Variants in GRM7 observed in about 807,000 individuals in gnomAD.
GRM7 encodes the protein metabotropic glutamate receptor 7.
A neutral mutation model predicts 84.5 loss-of-function variants in GRM7; 35 were observed. That is an observed-to-expected ratio of 0.41 (90% CI 0.32 to 0.55). The LOEUF is 0.55. Among genes scored for constraint, GRM7 ranks in the 20% least tolerant of loss-of-function variants. The probability of loss-of-function intolerance (pLI) is 0.19; values close to 1 mark genes in which losing one functional copy is unlikely to be tolerated. For synonymous variants in GRM7, 487 were observed against 455.1 expected, an observed-to-expected ratio of 1.07 and a Z score of -0.89; for missense variants, 1,003 against 1,194.6, an observed-to-expected ratio of 0.84 and a Z score of 2.36.
chr3:7,261,902 C>CTTCCT lies in GRM7; in HGVS notation c.737-36781_737-36780insTCCTT, dbSNP rs139471610. Among the ~76,000 whole-genome samples, 298 of 82,890 alleles carry CTTCCT rather than the reference C, an allele frequency of 3.6e-3. 7 individuals are homozygous for CTTCCT. The highest frequency in any genetic ancestry group is 0.029 in the Admixed American group (201 of 6,970). 54.4% of individuals were successfully genotyped at this position (82,890 alleles called of 152,430 possible). The stretch of plus-strand genomic sequence containing the variant: ...CTGTCAGAATTCCCTCCCTCCCTCC[C>CTTCCT]TCCCTCCCTCCCTTCCTCCCTTCCT... On this transcript the variant is annotated intron_variant, in intron 2 of 9. Transcript: ENST00000357716.
At chr3:6,875,572 A>C (rs1243703467) in intron 1 of GRM7, among the ~76,000 whole-genome samples, 1 of 152,178 alleles carries the variant, frequency 6.6e-6, no homozygotes, top group Non-Finnish European at 1.5e-5. Flanking sequence ...GAGTCAATTA[A>C]ACCTCTTTTC....
chr3:7,395,866 A>G (rs1476235939), intron 4 of GRM7, among the ~76,000 whole-genome samples: 4 of 152,124 alleles, frequency 2.6e-5, no homozygotes, highest in Admixed American at 6.5e-5. Context: ...ACTGTAGTTA[A>G]TGATAATATA....
At chr3:6,973,316 T>G (rs777600746) in intron 1 of GRM7, among the ~76,000 whole-genome samples, 1 of 152,126 alleles carries the variant, frequency 6.6e-6, no homozygotes, top group Non-Finnish European at 1.5e-5. Flanking sequence ...ACATCTACTA[T>G]GTACCATGTT....
At chr3:7,129,726 C>T (rs557555454) in intron 1 of GRM7, among the ~76,000 whole-genome samples, 9 of 152,166 alleles carry the variant, frequency 5.9e-5, no homozygotes, top group Non-Finnish European at 7.4e-5. Context: ...TCTAGGACAG[C>T]GCTGCAGAAG....
chr3:7,120,727 T>C (rs1011637643), intron 1 of GRM7, among the ~76,000 whole-genome samples: 1 of 152,214 alleles, frequency 6.6e-6, no homozygotes, highest in African/African-American at 2.4e-5. Flanking sequence ...ATTACTTGGA[T>C]AGAAAATGTT....
Position 6,876,267 on chromosome 3 carries a change from C to CA in GRM7, c.519+14374dup, listed in dbSNP as rs1038749876. ...TGGGTGACAGAGCGAGGCTCCATCT[C>CA]AAAAAAAAAAAAAATTATTATGGCA... On this transcript the variant is annotated intron_variant, in intron 1 of 9. Transcript: ENST00000357716. Among the ~76,000 whole-genome samples the CA allele has an allele frequency of 4.5e-3, 620 of 139,178 alleles. 2 individuals are homozygous for CA. The highest frequency in any genetic ancestry group is 6.3e-3 in the African/African-American group (238 of 37,822). 91.3% of individuals were successfully genotyped at this position (139,178 alleles called of 152,430 possible).
intron 8 of GRM7, among the ~76,000 whole-genome samples, chr3:7,603,203 C>A (rs1290956604): frequency 1.3e-5 from 2 of 151,970 alleles, no homozygotes; most frequent in Non-Finnish European, 2.9e-5. Flanking sequence ...ATTTCTTTCC[C>A]AAAGAGCTAG....
At chr3:7,433,319 T>G (rs902581305) in intron 5 of GRM7, among the ~76,000 whole-genome samples, 9 of 152,228 alleles carry the variant, frequency 5.9e-5, no homozygotes, top group African/African-American at 2.2e-4. Context: ...GTGTTTACAC[T>G]TCCATTCCTT....
intron 1 of GRM7, among the ~76,000 whole-genome samples, chr3:6,956,163 G>T (rs767654817): frequency 2.0e-5 from 3 of 152,160 alleles, no homozygotes; most frequent in Non-Finnish European, 4.4e-5. Context: ...ATTCAGGCGG[G>T]AAAATAACTC....
At chr3:7,529,574 G>C (rs1184961337) in intron 7 of GRM7, among the ~76,000 whole-genome samples, 2 of 152,034 alleles carry the variant, frequency 1.3e-5, no homozygotes, top group Admixed American at 6.6e-5. Flanking sequence ...AAATGTTCTT[G>C]CTCCATGGCT....
At chr3:7,279,876 T>C (rs1699197283) in intron 2 of GRM7, among the ~76,000 whole-genome samples, 1 of 152,182 alleles carries the variant, frequency 6.6e-6, no homozygotes, top group Non-Finnish European at 1.5e-5. Context: ...CGGCCAGTTA[T>C]GGTTAAGATT....
At chr3:7,300,953 C>T (rs145092271) in intron 3 of GRM7, among the ~76,000 whole-genome samples, 44 of 152,244 alleles carry the variant, frequency 2.9e-4, no homozygotes, top group Non-Finnish European at 5.1e-4. Flanking sequence ...TGGCGTTGAA[C>T]AAGTGAATGA....
rs114080180 is a variant in GRM7, at chr3:6,862,886, C to T, written c.519+979C>T. ...CTCCTGCTCCGGTGCCGGAGGGAGA[C>T]GGAGAAAAAATGGGAGGAAGGCGGA... On this transcript the variant is annotated intron_variant, in intron 1 of 9. Transcript: ENST00000357716. This position sits in a 1 kb window ranked among gnomAD's most constrained non-coding sequence, Gnocchi z 5.2. 246 of 410,936 alleles carry T rather than the reference C, an allele frequency of 6.0e-4. 2 individuals carry two copies. Among genetic ancestry groups the T allele is most frequent in the African/African-American group, 4.5e-3 (219 of 48,344 alleles). The allele number at this position is 410,936 out of a possible 1,614,324, so 25.5% of individuals were successfully genotyped here. A position where few individuals can be genotyped will look rare whatever the true frequency, so the allele number is the denominator to read the frequency against.
intron 7 of GRM7, among the ~76,000 whole-genome samples, chr3:7,529,442 C>T (rs1700942092): frequency 6.6e-6 from 1 of 152,102 alleles, no homozygotes; most frequent in South Asian, 2.1e-4. Context: ...AGCAAGGAGA[C>T]ACTGCAAGGG....
chr3:7,379,986 A>T (rs1371349136), intron 4 of GRM7, among the ~76,000 whole-genome samples: 11 of 152,182 alleles, frequency 7.2e-5, no homozygotes, highest in Non-Finnish European at 1.3e-4. Context: ...CTGACAGATA[A>T]CCCTGTAGCA....
At chr3:7,391,111 G>A (rs562566964) in intron 4 of GRM7, among the ~76,000 whole-genome samples, 109 of 151,842 alleles carry the variant, frequency 7.2e-4, no homozygotes, top group African/African-American at 2.5e-3. Flanking sequence ...TTCAATTCTG[G>A]GTGCCTTCAG....
intron 8 of GRM7, among the ~76,000 whole-genome samples, chr3:7,645,550 A>C (rs1238886189): frequency 2.5e-5 from 1 of 39,702 alleles, no homozygotes; most frequent in African/African-American, 6.7e-5. Flanking sequence ...CCATCTTAAA[A>C]AAAAAAAAAA....
intron 7 of GRM7, among the ~76,000 whole-genome samples, chr3:7,497,569 C>A (rs78516674): frequency 0.011 from 1,729 of 152,236 alleles, 30 homozygotes; most frequent in African/African-American, 0.04. Flanking sequence ...TTCCACTTTG[C>A]AAAGAATGTC....
chr3:6,986,807 C>A (rs1183090388), intron 1 of GRM7, among the ~76,000 whole-genome samples: 9 of 152,208 alleles, frequency 5.9e-5, no homozygotes, highest in Admixed American at 5.9e-4. Flanking sequence ...CACCAGCACT[C>A]TGCCCCTCAC....
Sources: allele counts gnomAD v4.1 joint callset (sites outside exome capture counted in the v4.1 genomes callset), GRCh38; gene constraint gnomAD v4.1.1; non-coding constraint Gnocchi (gnomAD v3.1); transcripts MANE v1.5; gene names NCBI Gene and HGNC (gene_info 2026-07-23, HGNC 2026-07-21).